The following MRPS6 variants were observed in gnomAD, a reference collection of about 807,000 sequenced individuals.
MRPS6 encodes mitochondrial ribosomal protein S6.
MRPS6 carries 6 observed loss-of-function variants against 13.1 expected under a neutral mutation model. The observed-to-expected ratio is 0.46, with a 90% CI of 0.25 to 0.91. MRPS6 has a LOEUF of 0.91. Among genes scored for constraint, MRPS6 ranks in the 40% least tolerant of loss-of-function variants. The pLI is 0.18. For synonymous variants in MRPS6, 61 were observed against 56.5 expected, an observed-to-expected ratio of 1.08 and a Z score of -0.36; for missense variants, 164 against 155.6, an observed-to-expected ratio of 1.05 and a Z score of -0.29.
intron 1 of MRPS6, among the ~76,000 whole-genome samples, chr21:34,086,329 G>A (rs1404688211): frequency 1.3e-5 from 2 of 152,152 alleles, no homozygotes; most frequent in Non-Finnish European, 2.9e-5. Context: ...GGGTACAGAT[G>A]TTAGCAGCTG....
intron 1 of MRPS6, chr21:34,102,017 C>G (rs906699335): frequency 5.4e-5 from 54 of 999,924 alleles, no homozygotes; most frequent in Non-Finnish European, 6.5e-5. Context: ...ATAGAGGAAC[C>G]CTTTTGTACT....
chr21:34,116,884 A>T (rs753674036), intron 1 of MRPS6, among the ~76,000 whole-genome samples: 5 of 152,064 alleles, frequency 3.3e-5, no homozygotes, highest in African/African-American at 1.2e-4. Flanking sequence ...AAATTCCCCT[A>T]CACTCCCTTG....
chr21:34,104,438 G>C (rs1398399925), intron 1 of MRPS6: 2 of 999,900 alleles, frequency 2.0e-6, no homozygotes, highest in Non-Finnish European at 2.4e-6. Flanking sequence ...TTTTGCCCAT[G>C]TGTTAAAAGA....
At chr21:34,116,044 G>A (rs143098771) in intron 1 of MRPS6, among the ~76,000 whole-genome samples, 44 of 151,796 alleles carry the variant, frequency 2.9e-4, no homozygotes, top group Middle Eastern at 3.4e-3. Context: ...GTTTCACTCT[G>A]TTACCCAGGA....
Position 34,096,513 on chromosome 21 carries a change from C to G in MRPS6, c.45+22768C>G. 1.2e-6 allele frequency: 2 copies of G among 1,614,122 alleles called. No homozygotes were observed. Among genetic ancestry groups the G allele is most frequent in the East Asian group, 4.5e-5 (2 of 44,888 alleles). ...GGAGATGCAAGGAGGCCAGATGTAC[C>G]TTTACATTCAGGAGGTAGCAGATTA... is the stretch of plus-strand genomic sequence containing the variant. On this transcript the variant is annotated intron_variant, in intron 1 of 2. Transcript: ENST00000399312. This position sits in a 1 kb window ranked among gnomAD's most constrained non-coding sequence, Gnocchi z 5.9.
intron 1 of MRPS6, among the ~76,000 whole-genome samples, chr21:34,107,778 A>G (rs760037726): frequency 3.3e-5 from 5 of 152,272 alleles, no homozygotes; most frequent in Middle Eastern, 3.4e-3. Flanking sequence ...TTCTTTTATC[A>G]ATGGTTTCTT....
At chr21:34,133,045 A>G (rs895715830) in intron 2 of MRPS6, among the ~76,000 whole-genome samples, 27 of 152,186 alleles carry the variant, frequency 1.8e-4, no homozygotes, top group African/African-American at 5.8e-4. Context: ...CTGGACCCCA[A>G]CCAACACTCG....
At chr21:34,129,159 A>G (rs1304892195) in intron 2 of MRPS6, among the ~76,000 whole-genome samples, 1 of 152,154 alleles carries the variant, frequency 6.6e-6, no homozygotes, top group Non-Finnish European at 1.5e-5. Flanking sequence ...GGAGAGGCTC[A>G]TTTAGACCCG....
Position 34,100,923 on chromosome 21 carries a change from G to A in MRPS6, c.46-24418G>A, listed in dbSNP as rs116734196. 4.6e-4 allele frequency: 457 copies of A among 1,000,130 alleles called. 2 individuals carry two copies. The African/African-American group carries it at 7.3e-3, about 16-fold the overall frequency. 62.0% of individuals were successfully genotyped at this position (1,000,130 alleles called of 1,614,324 possible). On this transcript the variant is annotated intron_variant, in intron 1 of 2. Coordinates refer to ENST00000399312, the MANE Select transcript of MRPS6 (RefSeq NM_032476.4). ...GGTTAGGTCTTCCCTGTTCCTGCTT[G>A]GCAGTGTTAAAGCTTACAGGGTTAA... is the stretch of plus-strand genomic sequence containing the variant.
Position 34,089,069 on chromosome 21 carries a change from C to G in MRPS6, c.45+15324C>G, listed in dbSNP as rs376932044. ...TTTGAGACAGTCTCGCTCTGTTGCC[C>G]AGGCTGGAGTGCAGAGGTGTGATCT... is the stretch of plus-strand genomic sequence containing the variant. On this transcript the variant is annotated intron_variant, in intron 1 of 2. Coordinates refer to ENST00000399312, the MANE Select transcript of MRPS6 (RefSeq NM_032476.4). Among the ~76,000 whole-genome samples, 118 of 152,242 alleles carry G rather than the reference C, an allele frequency of 7.8e-4. 5 individuals carry two copies. The South Asian group carries it at 0.023, about 30-fold the overall frequency.
intron 1 of MRPS6, among the ~76,000 whole-genome samples, chr21:34,080,037 C>T (rs1369227812): frequency 1.3e-5 from 2 of 152,174 alleles, no homozygotes; most frequent in Non-Finnish European, 2.9e-5. Context: ...AGTTGAACTG[C>T]TCATGTTGTT....
chr21:34,106,948 G>C (rs763165310), intron 1 of MRPS6, among the ~76,000 whole-genome samples: 13 of 151,910 alleles, frequency 8.6e-5, no homozygotes, highest in Non-Finnish European at 1.6e-4. Flanking sequence ...TGGCGGTGGA[G>C]GGGAAATGTG....
chr21:34,135,763 G>A, intron 2 of MRPS6: 2 of 476,594 alleles, frequency 4.2e-6, no homozygotes, highest in Admixed American at 2.4e-5. Flanking sequence ...GAAATGGAAG[G>A]CATACTTGAT....
rs551663714 is a variant in MRPS6 at position 34,097,653 on chromosome 21, T to C, written c.45+23908T>C. 2.4e-5 allele frequency: 26 copies of C among 1,089,340 alleles called. 1 individual carries two copies. The African/African-American group carries it at 4.2e-4, about 17-fold the overall frequency. 67.5% of individuals were successfully genotyped at this position (1,089,340 alleles called of 1,614,324 possible). The stretch of plus-strand genomic sequence containing the variant: ...CACAGAGCACTTAGAGCAGAATATA[T>C]GTTAAGTTACCATGAATTAAGGTAT... On this transcript the variant is annotated intron_variant, in intron 1 of 2. Transcript: ENST00000399312.
chr21:34,101,016 TTGG>T (rs1235883675), intron 1 of MRPS6: 2 of 1,000,084 alleles, frequency 2.0e-6, no homozygotes, highest in African/African-American at 3.5e-5. Flanking sequence ...ACATGGGTCG[TTGG>T]TGGTGACACC....
chr21:34,136,046 G>A, intron 2 of MRPS6: 1 of 257,984 alleles, frequency 3.9e-6, no homozygotes, highest in Non-Finnish European at 7.6e-6. Flanking sequence ...CTCTACCACT[G>A]CTGGTGCTGT....
At position 34,142,777 on chromosome 21, in the gene MRPS6, T is replaced by A; in HGVS notation, c.*177T>A. ...TTGCTTGCGAGAGGTGGGGAACTGC[T>A]CACTGACAGCTTCTCTGTAACCTGC... On this transcript the variant is annotated 3_prime_UTR_variant, in exon 3 of 3. Coordinates refer to ENST00000399312, the MANE Select transcript of MRPS6 (RefSeq NM_032476.4). 1 of 598,632 alleles carries A rather than the reference T, an allele frequency of 1.7e-6. No homozygotes were observed. Among genetic ancestry groups the A allele is most frequent in the Non-Finnish European group, 2.6e-6 (1 of 382,746 alleles). The allele number at this position is 598,632 out of a possible 1,614,324, so 37.1% of individuals were successfully genotyped here.
At chr21:34,128,074 G>A (rs548358114) in intron 2 of MRPS6, among the ~76,000 whole-genome samples, 119 of 152,324 alleles carry the variant, frequency 7.8e-4, no homozygotes, top group South Asian at 6.8e-3. Flanking sequence ...GGTATCGTGT[G>A]TTTGTTGCTT....
intron 2 of MRPS6, among the ~76,000 whole-genome samples, chr21:34,128,497 A>C (rs1980387109): frequency 6.6e-6 from 1 of 152,196 alleles, no homozygotes. Context: ...ATACTTTGGA[A>C]ATGATACCTG....
Sources: allele counts gnomAD v4.1 joint callset (sites outside exome capture counted in the v4.1 genomes callset), GRCh38; gene constraint gnomAD v4.1.1; non-coding constraint Gnocchi (gnomAD v3.1); transcripts MANE v1.5; gene names NCBI Gene and HGNC (gene_info 2026-07-23, HGNC 2026-07-21).